Variants in LRCH2 observed in about 807,000 individuals in gnomAD.
The protein encoded by LRCH2 is leucine-rich repeat and calponin homology domain-containing protein 2.
A neutral mutation model predicts 68.9 loss-of-function variants in LRCH2; 38 were observed. The observed-to-expected ratio is 0.55, with a 90% CI of 0.43 to 0.72. The LOEUF (loss-of-function observed/expected upper bound fraction) is 0.72, where lower values mean the gene tolerates loss of function less well. Ranked by LOEUF, LRCH2 falls within the 30% of genes least tolerant of loss-of-function variation. LRCH2 has a pLI of 0.00. For missense variants in LRCH2, 528 were observed against 572.9 expected, an observed-to-expected ratio of 0.92 and a Z score of 0.80; for synonymous variants, 191 against 208.1, an observed-to-expected ratio of 0.92 and a Z score of 0.71.
chrX:115,168,099 T>A (rs781850728), intron 6 of LRCH2, among the ~76,000 whole-genome samples: 1 of 111,322 alleles, frequency 9.0e-6, no homozygotes, highest in East Asian at 2.8e-4. Context: ...TTATTAAGAG[T>A]CATAAAAGGG....
At chrX:115,125,623 A>G (rs1295886226) in intron 16 of LRCH2, among the ~76,000 whole-genome samples, 7 of 85,525 alleles carry the variant, frequency 8.2e-5, no homozygotes, top group Admixed American at 1.4e-4. Context: ...ATATATGTAT[A>G]TATATACATA....
intron 2 of LRCH2, 130 bp downstream of exon 2, chrX:115,188,095 TA>T: frequency 2.1e-6 from 1 of 468,456 alleles, no homozygotes; most frequent in Non-Finnish European, 3.4e-6. Flanking sequence ...TGTGAACATA[TA>T]AAAAACACAA....
chrX:115,126,153 A>C (rs782529824), intron 16 of LRCH2, among the ~76,000 whole-genome samples: 1 of 112,053 alleles, frequency 8.9e-6, no homozygotes, highest in Non-Finnish European at 1.9e-5. Context: ...ACTTTAAGGT[A>C]ATCTTAAGTA....
chrX:115,201,148 T>G (rs187128804), intron 1 of LRCH2, among the ~76,000 whole-genome samples: 89 of 110,741 alleles, frequency 8.0e-4, no homozygotes, highest in African/African-American at 2.9e-3. Flanking sequence ...TTCCCGTTTT[T>G]GAAACCATCA....
chrX:115,128,007 C>T lies in LRCH2; in HGVS notation c.1741-1114G>A, dbSNP rs782210360. On this transcript the variant is annotated intron_variant, in intron 15 of 20. Coordinates refer to ENST00000317135, the MANE Select transcript of LRCH2 (RefSeq NM_020871.4). Reference sequence around the variant, plus strand: ...CTGATTGCATCTGTGTTCTTTGAAACGACCACTCTGGCTGCAGTGAGAATG... The same window carrying T: ...CTGATTGCATCTGTGTTCTTTGAAATGACCACTCTGGCTGCAGTGAGAATG... 3.9e-4 allele frequency among the ~76,000 whole-genome samples: 44 copies of T among 111,695 alleles called. 1 individual carries two copies. The highest frequency in any genetic ancestry group is 1.4e-3 in the African/African-American group (44 of 30,762).
chrX:115,143,000 A>T (rs2072352620), intron 14 of LRCH2, among the ~76,000 whole-genome samples: 1 of 110,288 alleles, frequency 9.1e-6, no homozygotes, highest in Non-Finnish European at 1.9e-5. Context: ...GAAGGCTGAA[A>T]GGTGAAAGGA....
intron 5 of LRCH2, among the ~76,000 whole-genome samples, chrX:115,178,872 A>G (rs1556551644): frequency 9.0e-6 from 1 of 111,563 alleles, no homozygotes; most frequent in African/African-American, 3.3e-5. Context: ...CTACTATTCT[A>G]TTTTCCATTT....
intron 1 of LRCH2, chrX:115,190,178 G>C (rs1556556887): frequency 8.6e-7 from 1 of 1,166,362 alleles, no homozygotes; most frequent in Admixed American, 2.6e-5. Flanking sequence ...CTGCCCCCGT[G>C]CCGCGACCCT....
chrX:115,119,251 A>G (rs1186724711), intron 20 of LRCH2, among the ~76,000 whole-genome samples: 1 of 110,073 alleles, frequency 9.1e-6, no homozygotes, highest in Non-Finnish European at 1.9e-5. Flanking sequence ...AGACCACATG[A>G]TTGTATATCT....
At chrX:115,204,551 G>T (rs2072952512) in intron 1 of LRCH2, among the ~76,000 whole-genome samples, 1 of 111,475 alleles carries the variant, frequency 9.0e-6, no homozygotes, top group Admixed American at 9.5e-5. Context: ...GAAACAGCCA[G>T]GTCACATCTT....
rs782669896 is a variant in LRCH2, at chrX:115,189,701, C to T, written c.350-1331G>A. On this transcript the variant is annotated intron_variant, in intron 1 of 20. Transcript: ENST00000317135. ...ATCATGGTGGCCCAGACCATCAAAC[C>T]GGCATTCAAGAGCAGCCGATGGGTC... 1.9e-5 allele frequency: 22 copies of T among 1,166,992 alleles called. No homozygotes were observed. In the South Asian group the frequency reaches 3.6e-4, roughly 19 times the overall value.
intron 1 of LRCH2, among the ~76,000 whole-genome samples, chrX:115,206,878 C>CAA (rs5903441): frequency 1.2e-5 from 1 of 86,482 alleles, no homozygotes; most frequent in Non-Finnish European, 2.2e-5. Flanking sequence ...ATAACAGTGC[C>CAA]AAAAAAAAAA....
At chrX:115,191,459 G>A (rs782414510) in intron 1 of LRCH2, 13 of 1,142,723 alleles carry the variant, frequency 1.1e-5, no homozygotes, top group Middle Eastern at 2.4e-4. Flanking sequence ...GAGGAGTACC[G>A]AGGCCGCTTG....
chrX:115,222,406 G>A (rs782417307), intron 1 of LRCH2, among the ~76,000 whole-genome samples: 17 of 111,602 alleles, frequency 1.5e-4, no homozygotes, highest in Non-Finnish European at 2.1e-4. Flanking sequence ...AAGTTCTAAC[G>A]GGGACAATTA....
chrX:115,208,213 A>G (rs1441637944), intron 1 of LRCH2, among the ~76,000 whole-genome samples: 1 of 112,317 alleles, frequency 8.9e-6, no homozygotes, highest in African/African-American at 3.2e-5. Flanking sequence ...ATTGGAATTA[A>G]TAAGAGAATG....
intron 5 of LRCH2, among the ~76,000 whole-genome samples, chrX:115,171,564 T>C: frequency 9.0e-6 from 1 of 111,688 alleles, no homozygotes; most frequent in Non-Finnish European, 1.9e-5. Flanking sequence ...AATCACTCTC[T>C]TGTAAATTTT....
At chrX:115,205,189 C>T (rs925346621) in intron 1 of LRCH2, among the ~76,000 whole-genome samples, 1 of 111,485 alleles carries the variant, frequency 9.0e-6, no homozygotes, top group Non-Finnish European at 1.9e-5. Flanking sequence ...GGAACAACAT[C>T]GGGGAAACCA....
intron 1 of LRCH2, among the ~76,000 whole-genome samples, chrX:115,230,983 T>C (rs1417569112): frequency 9.0e-6 from 1 of 110,907 alleles, no homozygotes; most frequent in Non-Finnish European, 1.9e-5. Context: ...TCCCTTGCAA[T>C]TGTAATGTGC....
intron 3 of LRCH2, among the ~76,000 whole-genome samples, chrX:115,180,067 T>C (rs782184103): frequency 2.7e-5 from 3 of 111,247 alleles, no homozygotes; most frequent in Non-Finnish European, 5.7e-5. Flanking sequence ...TCCAGCACTC[T>C]TCACGTGGAG....
Sources: allele counts gnomAD v4.1 joint callset (sites outside exome capture counted in the v4.1 genomes callset), GRCh38; gene constraint gnomAD v4.1.1; transcripts MANE v1.5; gene names NCBI Gene and HGNC (gene_info 2026-07-23, HGNC 2026-07-21).